The following DNAAF5 variants were observed in gnomAD, a reference collection of about 807,000 sequenced individuals.
DNAAF5 encodes the protein HEAT repeat containing 2.
A neutral mutation model predicts 75.8 loss-of-function variants in DNAAF5; 64 were observed. That is an observed-to-expected ratio of 0.84 (90% CI 0.69 to 1.04). The LOEUF is 1.04. Ranked by LOEUF, DNAAF5 falls within the 50% of genes least tolerant of loss-of-function variation. DNAAF5 has a pLI of 0.00. For missense variants in DNAAF5, 1,269 were observed against 1,178.5 expected (o/e 1.08, Z -1.12); for synonymous variants, 657 against 557.2 (o/e 1.18, Z -2.52).
At chr7:770,201 C>T (rs570680028) in intron 8 of DNAAF5, among the ~76,000 whole-genome samples, 1 of 152,364 alleles carries the variant, frequency 6.6e-6, no homozygotes, top group South Asian at 2.1e-4. Context: ...ATCCTCCCTC[C>T]TTGGCCTCCC....
intron 2 of DNAAF5, among the ~76,000 whole-genome samples, chr7:735,475 C>G (rs916232953): frequency 6.6e-6 from 1 of 151,282 alleles, no homozygotes; most frequent in African/African-American, 2.4e-5. Flanking sequence ...CCCGGTGTAG[C>G]TGCTCATGGT....
chr7:756,214 C>T (rs1198090195), intron 5 of DNAAF5, among the ~76,000 whole-genome samples: 3 of 115,874 alleles, frequency 2.6e-5, no homozygotes, highest in Non-Finnish European at 5.1e-5. Context: ...TCCCATGGTG[C>T]AGAGGGGCTG....
intron 11 of DNAAF5, chr7:778,653 GC>G (rs1480731453): frequency 6.6e-6 from 1 of 152,354 alleles, no homozygotes; most frequent in Non-Finnish European, 1.5e-5. Flanking sequence ...TCCTGTCCGG[GC>G]CCATAGATGT....
At chr7:776,149 C>G (rs1284331311) in intron 11 of DNAAF5, among the ~76,000 whole-genome samples, 1 of 152,110 alleles carries the variant, frequency 6.6e-6, no homozygotes, top group East Asian at 1.9e-4. Context: ...ACCATCCTGG[C>G]CAAAATGGTG....
Position 785,793 on chromosome 7 carries a change from C to G in DNAAF5, c.*140C>G, listed in dbSNP as rs1332095034. The G allele has an allele frequency of 1.2e-6, 1 of 858,074 alleles. No individual in the cohort carries two copies. 53.2% of individuals were successfully genotyped at this position (858,074 alleles called of 1,614,324 possible). On this transcript the variant is annotated 3_prime_UTR_variant, in exon 13 of 13. Transcript: ENST00000297440. ...ATGTACTCCTCAGGACACCTGCCCA[C>G]TCTTTCCCTGGAATAACAGCCTCTG...
rs1012189470 is a variant in DNAAF5 at position 744,087 on chromosome 7, C to G, written c.1024+2622C>G. Among the ~76,000 whole-genome samples the G allele has an allele frequency of 1.6e-4, 24 of 152,154 alleles. No individual in the cohort carries two copies. In the South Asian group the frequency reaches 2.1e-3, roughly 13 times the overall value. ...TATATCTCCTAATGCTATCCCTCCC[C>G]CCTCACCTCACCCCACAACAGTTCT... On this transcript the variant is annotated intron_variant, in intron 4 of 12. Coordinates refer to ENST00000297440, the MANE Select transcript of DNAAF5 (RefSeq NM_017802.4).
At chr7:767,885 G>A (rs62432860) in intron 8 of DNAAF5, among the ~76,000 whole-genome samples, 8 of 150,090 alleles carry the variant, frequency 5.3e-5, no homozygotes, top group Non-Finnish European at 1.0e-4. Flanking sequence ...CACATGGTCC[G>A]GTGGAAGTGT....
chr7:732,501 A>T (rs1781618189), intron 2 of DNAAF5: 1 of 455,966 alleles, frequency 2.2e-6, no homozygotes, highest in Non-Finnish European at 4.4e-6. Context: ...TGGTGAGGCC[A>T]CCAGGCCTGT....
intron 6 of DNAAF5, 94 bp downstream of exon 6, chr7:757,088 G>A (rs1247333927): frequency 2.4e-6 from 3 of 1,264,172 alleles, no homozygotes; most frequent in African/African-American, 3.0e-5. Flanking sequence ...GTTGCCCTGT[G>A]CCGCCAGGCT....
At chr7:747,276 G>C (rs79984421) in intron 4 of DNAAF5, among the ~76,000 whole-genome samples, 4,469 of 152,382 alleles carry the variant, frequency 0.029, 105 homozygotes, top group South Asian at 0.085. Context: ...TCAGGCCAGC[G>C]TGTGGGGTGG....
chr7:775,053 G>A lies in DNAAF5; in HGVS notation c.2130G>A (p.Leu710=), dbSNP rs1778713488. Residue 710 remains leucine (L), a synonymous_variant, in exon 11 of 13, where the codon CTG becomes CTA. Transcript: ENST00000297440. ...ETLMPQVLTT[L]EEDSKMTRLI... ...TGATGCCCCAGGTCCTGACCACCCT[G>A]GAGGAGGATTCGAAGATGACGCGAC... 1 of 1,613,972 alleles carries A rather than the reference G, an allele frequency of 6.2e-7. No homozygotes were observed. Among genetic ancestry groups the A allele is most frequent in the Non-Finnish European group, 8.5e-7 (1 of 1,179,950 alleles).
chr7:743,050 A>G (rs561048180), intron 4 of DNAAF5, among the ~76,000 whole-genome samples: 1 of 152,354 alleles, frequency 6.6e-6, no homozygotes, highest in Non-Finnish European at 1.5e-5. Context: ...AGGGAAATGT[A>G]TTCCGTCAAA....
chr7:768,943 C>G (rs1018182490), intron 8 of DNAAF5: 5 of 571,660 alleles, frequency 8.7e-6, no homozygotes, highest in Middle Eastern at 4.4e-4. Flanking sequence ...TGGCCCAAGA[C>G]TCGTGCTCTG....
intron 6 of DNAAF5, among the ~76,000 whole-genome samples, chr7:757,889 C>T (rs1224727904): frequency 1.3e-5 from 2 of 152,346 alleles, no homozygotes; most frequent in Admixed American, 6.5e-5. Context: ...GCCTGGGGCA[C>T]GGGGACTTGC....
rs927757396 is a variant in DNAAF5, at chr7:740,903, C to T, written c.865C>T (p.Leu289=). 10 of 1,613,902 alleles carry T rather than the reference C, an allele frequency of 6.2e-6. No individual in the cohort carries two copies. The highest frequency in any genetic ancestry group is 2.7e-5 in the African/African-American group (2 of 74,940). The change falls in exon 3 of 13, where the codon CTG becomes TTG. Residue 289 remains leucine, a synonymous_variant. Transcript: ENST00000297440. ...CTCCTTCTTCCACAAGCTCATCCCT[C>T]TGCTGCTCAGTAGCCTCAACGACGA... ...RYSFFHKLIP[L]LLSSLNDEVP... is the part of the protein sequence containing the mutation.
At chr7:775,844 G>A (rs116733024) in intron 11 of DNAAF5, among the ~76,000 whole-genome samples, 1,604 of 151,648 alleles carry the variant, frequency 0.011, 31 homozygotes, top group African/African-American at 0.037. Flanking sequence ...TACATTTAGC[G>A]TTAAACGTAA....
chr7:753,818 CTCA>C (rs750516626), intron 4 of DNAAF5, among the ~76,000 whole-genome samples: 39 of 144,250 alleles, frequency 2.7e-4, no homozygotes, highest in African/African-American at 4.8e-4. Context: ...GCGTGTCTCT[CTCA>C]TCATATGGGG....
At chr7:767,842 G>C (rs1778375886) in intron 8 of DNAAF5, among the ~76,000 whole-genome samples, 1 of 150,834 alleles carries the variant, frequency 6.6e-6, no homozygotes, top group African/African-American at 2.5e-5. Context: ...AAGTGTCCCT[G>C]CTGCGAGCAG....
At chr7:785,401 T>C (rs1469391729) in intron 12 of DNAAF5, 116 bp from the exon 13 acceptor site, 2 of 1,126,392 alleles carry the variant, frequency 1.8e-6, no homozygotes, top group Non-Finnish European at 2.6e-6. Context: ...AGCGTCAGGT[T>C]ATTTGCAGAT....
Sources: gnomAD v4.1 joint callset for allele counts (sites outside exome capture counted in the v4.1 genomes callset) on GRCh38, gnomAD v4.1.1 for gene constraint, MANE v1.5 for transcripts, NCBI Gene and HGNC (gene_info 2026-07-23, HGNC 2026-07-21) for gene names.